The following KSR2 variants were observed in gnomAD, a reference collection of about 807,000 sequenced individuals.
KSR2 encodes the protein kinase suppressor of ras 2.
KSR2 carries 25 observed loss-of-function variants against 107.8 expected under a neutral mutation model. The observed-to-expected ratio is 0.23, with a 90% confidence interval of 0.17 to 0.32. The LOEUF (loss-of-function observed/expected upper bound fraction) is 0.32. KSR2 is among the 10% of genes least tolerant of loss of function. The pLI is 1.00. For missense variants in KSR2, 887 were observed against 1,268.9 expected (o/e 0.70, Z 4.57); for synonymous variants, 480 against 507.0 (o/e 0.95, Z 0.71).
intron 1 of KSR2, among the ~76,000 whole-genome samples, chr12:117,953,162 T>C (rs1593400121): frequency 6.6e-6 from 1 of 152,094 alleles, no homozygotes; most frequent in Non-Finnish European, 1.5e-5. Context: ...CCCACCAGGA[T>C]AGCTATAATT....
chr12:117,514,838 G>A (rs1027048177), intron 14 of KSR2, among the ~76,000 whole-genome samples: 3 of 151,966 alleles, frequency 2.0e-5, no homozygotes, highest in Admixed American at 1.3e-4. Flanking sequence ...GTGAGCCACC[G>A]CACCCGGTCA....
intron 4 of KSR2, among the ~76,000 whole-genome samples, chr12:117,673,865 G>GA (rs564511494): frequency 1.4e-3 from 210 of 152,330 alleles, no homozygotes; most frequent in African/African-American, 4.4e-3. Flanking sequence ...CCAATTCAGA[G>GA]AAAATCAACA....
At chr12:117,556,762 T>C (rs1877725496) in intron 8 of KSR2, among the ~76,000 whole-genome samples, 1 of 152,196 alleles carries the variant, frequency 6.6e-6, no homozygotes, top group South Asian at 2.1e-4. Context: ...TGCTGTACCC[T>C]AAAGTTGCTC....
At chr12:117,603,135 C>T (rs1881048929) in intron 5 of KSR2, among the ~76,000 whole-genome samples, 1 of 152,114 alleles carries the variant, frequency 6.6e-6, no homozygotes, top group Admixed American at 6.5e-5. Context: ...GTGACAGAGC[C>T]TTCTGGGTAT....
chr12:117,944,534 G>A (rs1337836665), intron 1 of KSR2, among the ~76,000 whole-genome samples: 3 of 151,826 alleles, frequency 2.0e-5, no homozygotes, highest in African/African-American at 7.3e-5. Flanking sequence ...AATTTTATGT[G>A]AAATGTTATC....
rs752171470 is a variant in KSR2 at position 117,480,022 on chromosome 12, A to ATGTGTGTGTGTG, written c.2451-3428_2451-3427insCACACACACACA. Among the ~76,000 whole-genome samples the ATGTGTGTGTGTG allele has an allele frequency of 7.0e-4, 100 of 142,190 alleles. No individual in the cohort carries two copies. In the East Asian group the frequency reaches 0.012, roughly 17 times the overall value. 93.3% of individuals were successfully genotyped at this position (142,190 alleles called of 152,430 possible). On this transcript the variant is annotated intron_variant, in intron 16 of 19. Coordinates refer to ENST00000339824, the MANE Select transcript of KSR2 (RefSeq NM_173598.6). ...CAATTACTGGACATAATCATTACAC[A>ATGTGTGTGTGTG]TGTGTATGTGTGTGTGTGTGTGTGT... is the stretch of plus-strand genomic sequence containing the variant.
chr12:117,498,628 C>T (rs944849397), intron 14 of KSR2, among the ~76,000 whole-genome samples: 7 of 152,120 alleles, frequency 4.6e-5, no homozygotes, highest in Non-Finnish European at 1.0e-4. Context: ...TGTGTCCCCA[C>T]CCAAACCTCA....
intron 1 of KSR2, among the ~76,000 whole-genome samples, chr12:117,865,437 G>T (rs1487607306): frequency 6.6e-6 from 1 of 152,116 alleles, no homozygotes; most frequent in Non-Finnish European, 1.5e-5. Context: ...ATCTATGTAT[G>T]CCTATGTTGT....
At chr12:117,784,788 C>T (rs74783719) in intron 3 of KSR2, among the ~76,000 whole-genome samples, 3,278 of 152,236 alleles carry the variant, frequency 0.022, 41 homozygotes, top group East Asian at 0.03. Flanking sequence ...AGATAATGTG[C>T]AAGTTATCTC....
intron 1 of KSR2, among the ~76,000 whole-genome samples, chr12:117,932,014 C>T (rs1412349281): frequency 2.6e-5 from 4 of 152,160 alleles, no homozygotes; most frequent in Admixed American, 1.3e-4. Context: ...TGGCCAGGTA[C>T]GGTGGCTCAT....
intron 16 of KSR2, among the ~76,000 whole-genome samples, chr12:117,481,687 T>C (rs1286358917): frequency 6.6e-6 from 1 of 152,116 alleles, no homozygotes; most frequent in African/African-American, 2.4e-5. Flanking sequence ...GCTGAGTGAG[T>C]AATGAATGAG....
At chr12:117,480,026 G>A (rs1048277727) in intron 16 of KSR2, among the ~76,000 whole-genome samples, 2 of 140,568 alleles carry the variant, frequency 1.4e-5, no homozygotes, top group Admixed American at 6.7e-5. Flanking sequence ...TTACACATGT[G>A]TATGTGTGTG....
intron 7 of KSR2, among the ~76,000 whole-genome samples, chr12:117,574,503 G>T (rs1371405033): frequency 6.6e-6 from 1 of 152,134 alleles, no homozygotes; most frequent in African/African-American, 2.4e-5. Context: ...AAGAGAGAAT[G>T]AAGAAAATCA....
intron 5 of KSR2, among the ~76,000 whole-genome samples, chr12:117,611,232 G>A (rs923214113): frequency 2.6e-5 from 4 of 152,042 alleles, no homozygotes; most frequent in Non-Finnish European, 4.4e-5. Flanking sequence ...TGTGGGCTTG[G>A]GAGTTGTGAG....
chr12:117,593,662 G>C (rs1420516947), intron 5 of KSR2, among the ~76,000 whole-genome samples: 4 of 152,214 alleles, frequency 2.6e-5, no homozygotes, highest in Non-Finnish European at 5.9e-5. Flanking sequence ...CTGTAAAATG[G>C]GGGCAATGAA....
At chr12:117,705,517 C>T (rs895529493) in intron 4 of KSR2, among the ~76,000 whole-genome samples, 2 of 152,188 alleles carry the variant, frequency 1.3e-5, no homozygotes, top group African/African-American at 4.8e-5. Context: ...GGTCTCTAAC[C>T]CAGTCCTCAT....
At chr12:117,796,629 C>T (rs1890638809) in intron 3 of KSR2, among the ~76,000 whole-genome samples, 2 of 152,270 alleles carry the variant, frequency 1.3e-5, no homozygotes, top group East Asian at 1.9e-4. Context: ...CCCTTGATTT[C>T]CCCAAGGCTC....
intron 5 of KSR2, among the ~76,000 whole-genome samples, chr12:117,602,421 A>T (rs141091835): frequency 6.6e-6 from 1 of 152,192 alleles, no homozygotes; most frequent in African/African-American, 2.4e-5. Context: ...AGTCCCTGGA[A>T]TTACCAATCT....
At chr12:117,708,784 G>T (rs1333266097) in intron 4 of KSR2, among the ~76,000 whole-genome samples, 5 of 152,168 alleles carry the variant, frequency 3.3e-5, no homozygotes, top group African/African-American at 1.2e-4. Flanking sequence ...CCTCTGTTGA[G>T]ACTGCATCAT....
Sources: gnomAD v4.1 joint callset for allele counts (sites outside exome capture counted in the v4.1 genomes callset) on GRCh38, gnomAD v4.1.1 for gene constraint, MANE v1.5 for transcripts, NCBI Gene and HGNC (gene_info 2026-07-23, HGNC 2026-07-21) for gene names.